Variants in C4orf50 observed in about 807,000 individuals in gnomAD.
C4orf50 encodes the protein uncharacterized protein C4orf50.
A neutral mutation model predicts 77.2 loss-of-function variants in C4orf50; 80 were observed. The observed-to-expected ratio is 1.04, with a 90% CI of 0.87 to 1.25. The LOEUF (loss-of-function observed/expected upper bound fraction) is 1.25, where lower values mean the gene tolerates loss of function less well. Ranked by LOEUF, C4orf50 falls within the 50% of genes most tolerant of loss-of-function variation. The pLI is 0.00. For synonymous variants in C4orf50, 532 were observed against 465.3 expected (o/e 1.14, Z -1.84); for missense variants, 1,257 against 1,152.9 (o/e 1.09, Z -1.31).
At chr4:6,006,279 G>A (rs1292137175) in intron 25 of C4orf50, among the ~76,000 whole-genome samples, 1 of 152,156 alleles carries the variant, frequency 6.6e-6, no homozygotes, top group African/African-American at 2.4e-5. Flanking sequence ...TCCAAAAAAT[G>A]AGCACTCCTC....
intron 7 of C4orf50, among the ~76,000 whole-genome samples, chr4:5,909,951 A>AT (rs113624641): frequency 6.6e-6 from 1 of 151,814 alleles, no homozygotes; most frequent in South Asian, 2.1e-4. Context: ...AGCCCCCAGC[A>AT]TTTTTTCCCC....
At chr4:5,990,105 C>A in exon 28 of C4orf50, 3 of 1,283,972 alleles carry the variant, frequency 2.3e-6, no homozygotes, top group Non-Finnish European at 2.9e-6. Context: ...ATCCTTCCAC[C>A]CTTTCCCTCC....
rs1470933170 is a variant in C4orf50, at chr4:6,009,278, C to T, written c.427-746G>A. ...GCACAACCCACTGCGAAAATTAGAG[C>T]CGTTGCCTACTTTTCAGAATTAATT... On this transcript the variant is annotated intron_variant, in intron 24 of 33. Coordinates refer to ENST00000531445, the Ensembl canonical transcript of C4orf50. This position sits in a 1 kb window ranked among gnomAD's most constrained non-coding sequence, Gnocchi z 5.6. 6.6e-6 allele frequency among the ~76,000 whole-genome samples: 1 copy of T among 152,208 alleles called. No homozygotes were observed. Among genetic ancestry groups the T allele is most frequent in the Admixed American group, 6.5e-5 (1 of 15,280 alleles).
At position 5,959,918 on chromosome 4, in the gene C4orf50, G is replaced by A. The variant is rs561207868; in HGVS notation, c.4276-292C>T. 2.1e-4 allele frequency among the ~76,000 whole-genome samples: 32 copies of A among 152,282 alleles called. 1 individual carries two copies. Among genetic ancestry groups the A allele is most frequent in the Admixed American group, 1.8e-3 (27 of 15,296 alleles). On this transcript the variant is annotated intron_variant, in intron 33 of 33. Coordinates refer to ENST00000531445, the Ensembl canonical transcript of C4orf50. ...CCTGACAATACAGTCATGAGCGGGCGTTCCTGTAGAGTGGATATCCTCTAT... is the reference window on the plus strand; with the variant it reads ...CCTGACAATACAGTCATGAGCGGGCATTCCTGTAGAGTGGATATCCTCTAT...
At chr4:5,923,964 G>C (rs1333215903) in intron 7 of C4orf50, among the ~76,000 whole-genome samples, 1 of 152,176 alleles carries the variant, frequency 6.6e-6, no homozygotes, top group Non-Finnish European at 1.5e-5. Flanking sequence ...GAGTCTTCCA[G>C]CCTTCATCTT....
intron 7 of C4orf50, among the ~76,000 whole-genome samples, chr4:5,937,232 G>A (rs891381641): frequency 6.6e-6 from 1 of 152,166 alleles, no homozygotes; most frequent in Admixed American, 6.5e-5. Flanking sequence ...AGTGGCTCAT[G>A]TGAAAAGTAT....
At chr4:5,961,951 AGTTT>A (rs1719299786) in intron 33 of C4orf50, among the ~76,000 whole-genome samples, 1 of 152,258 alleles carries the variant, frequency 6.6e-6, no homozygotes, top group Middle Eastern at 3.4e-3. Flanking sequence ...TTATTTAACA[AGTTT>A]GTTTTCAGCA....
chr4:5,976,013 C>T, intron 29 of C4orf50, 58 bp from the exon 8 acceptor site: 1 of 1,419,624 alleles, frequency 7.0e-7, no homozygotes, highest in Non-Finnish European at 1.0e-6. Flanking sequence ...CTGTCCAGAG[C>T]TTCCCCAGGC....
intron 7 of C4orf50, among the ~76,000 whole-genome samples, chr4:5,922,838 T>C (rs996082266): frequency 1.4e-4 from 21 of 152,196 alleles, no homozygotes; most frequent in African/African-American, 1.9e-4. Flanking sequence ...ACACAACTCA[T>C]GGTCTCCTCA....
rs28568533 is a variant in C4orf50, at chr4:5,991,062, C to T, written c.1222-238G>A. Among the ~76,000 whole-genome samples the T allele has an allele frequency of 7.0e-3, 1,067 of 152,334 alleles. 13 individuals are homozygous for T. Among genetic ancestry groups the T allele is most frequent in the African/African-American group, 0.025 (1,019 of 41,574 alleles). ...GCTCACTCCCTGGCTCCATTCACAT[C>T]TCAATGCAAATGTGACTTCCTTGAA... On this transcript the variant is annotated intron_variant, in intron 27 of 33. Coordinates refer to ENST00000531445, the Ensembl canonical transcript of C4orf50.
intron 7 of C4orf50, among the ~76,000 whole-genome samples, chr4:5,925,185 C>G (rs550499754): frequency 6.6e-6 from 1 of 151,762 alleles, no homozygotes; most frequent in Non-Finnish European, 1.5e-5. Context: ...AAGGGACCAG[C>G]TGATGGAGGG....
intron 28 of C4orf50, among the ~76,000 whole-genome samples, chr4:5,984,999 G>A (rs931131947): frequency 8.6e-5 from 13 of 151,948 alleles, no homozygotes; most frequent in Non-Finnish European, 1.5e-4. Context: ...ATTTATTTTA[G>A]GGGGAGTGAG....
chr4:5,923,423 C>G, intron 7 of C4orf50: 1 of 153,918 alleles, frequency 6.5e-6, no homozygotes, highest in African/African-American at 2.4e-5. Context: ...AAGGGGGATG[C>G]GGATTAGATA....
At chr4:5,947,512 T>A (rs1410467981) in intron 7 of C4orf50, among the ~76,000 whole-genome samples, 1 of 152,158 alleles carries the variant, frequency 6.6e-6, no homozygotes, top group Non-Finnish European at 1.5e-5. Flanking sequence ...AGGCGACCTG[T>A]CCATGCAGCC....
chr4:5,979,534 TGTTAAG>T (rs1431390169), intron 29 of C4orf50, among the ~76,000 whole-genome samples: 2 of 152,040 alleles, frequency 1.3e-5, no homozygotes, highest in Admixed American at 6.6e-5. Context: ...AGTCAGAAAA[TGTTAAG>T]GTTGAGGAGA....
At chr4:5,974,778 A>G (rs1209478023) in intron 30 of C4orf50, among the ~76,000 whole-genome samples, 1 of 152,206 alleles carries the variant, frequency 6.6e-6, no homozygotes, top group Non-Finnish European at 1.5e-5. Flanking sequence ...ATGGGTGAGT[A>G]ATGACATTTC....
chr4:5,948,088 C>T (rs140244772), intron 7 of C4orf50, among the ~76,000 whole-genome samples: 138 of 152,278 alleles, frequency 9.1e-4, no homozygotes, highest in African/African-American at 2.9e-3. Flanking sequence ...TGTGACAACC[C>T]ATGGGGTTGG....
downstream of C4orf50, among the ~76,000 whole-genome samples, chr4:5,954,537 G>C (rs1718867131): frequency 6.6e-6 from 1 of 152,124 alleles, no homozygotes; most frequent in Non-Finnish European, 1.5e-5. This position sits in a 1 kb window ranked among gnomAD's most constrained non-coding sequence, Gnocchi z 4.7. Context: ...TGGGGGAGGG[G>C]GGTCAGCTCC....
rs924148693 is a variant in C4orf50, at chr4:6,017,454, A to T, written c.287+691T>A. ...CTAATCCAGCAGGTGACTCTTGACT[A>T]ACCCTGAGTCCACGAATGCCTCCAA... On this transcript the variant is annotated intron_variant, in intron 23 of 33. Coordinates refer to ENST00000531445, the Ensembl canonical transcript of C4orf50. This position sits in a 1 kb window ranked among gnomAD's most constrained non-coding sequence, Gnocchi z 4.7. Among the ~76,000 whole-genome samples the T allele has an allele frequency of 2.0e-5, 3 of 152,250 alleles. No homozygotes were observed. The highest frequency in any genetic ancestry group is 7.2e-5 in the African/African-American group (3 of 41,474).
Sources: gnomAD v4.1 joint callset for allele counts (sites outside exome capture counted in the v4.1 genomes callset) on GRCh38, gnomAD v4.1.1 for gene constraint, Gnocchi (gnomAD v3.1) non-coding constraint, MANE v1.5 for transcripts, NCBI Gene and HGNC (gene_info 2026-07-23, HGNC 2026-07-21) for gene names.